ACACB: variants seen among roughly 807,000 people sequenced by gnomAD.
ACACB encodes the protein acetyl-CoA carboxylase 2.
In ACACB, 209 loss-of-function variants were observed where a neutral mutation model predicts 278.8. The observed-to-expected ratio is 0.75, with a 90% CI of 0.67 to 0.84. The LOEUF (loss-of-function observed/expected upper bound fraction) is 0.84. ACACB is among the 40% of genes least tolerant of loss of function. The pLI, the probability that ACACB is intolerant of heterozygous loss-of-function variation, is 0.00. For synonymous variants in ACACB, 1,174 were observed against 1,285.6 expected, an observed-to-expected ratio of 0.91 and a Z score of 1.86; for missense variants, 2,850 against 3,269.0, an observed-to-expected ratio of 0.87 and a Z score of 3.13.
Position 109,241,182 on chromosome 12 carries a change from C to T in ACACB, c.4923C>T (p.Thr1641=), listed in dbSNP as rs375839386. ...AGATCAACATCCGCCAGACCACCAC[C>T]GGCAGTGCCGTTCCCATCCGCCTGT... is the stretch of plus-strand genomic sequence containing the variant. The part of the protein sequence containing the change: ...EVKINIRQTT[T]GSAVPIRLFI... The change falls in exon 36 of 53, where the codon ACC becomes ACT. Residue 1641 remains threonine, a synonymous_variant. Transcript: ENST00000338432. The T allele has an allele frequency of 1.9e-5, 30 of 1,614,162 alleles. No homozygotes were observed. Among genetic ancestry groups the T allele is most frequent in the Middle Eastern group, 3.3e-4 (2 of 6,062 alleles).
intron 16 of ACACB, among the ~76,000 whole-genome samples, chr12:109,194,551 T>TA (rs1593522308): frequency 1.7e-5 from 1 of 58,384 alleles, no homozygotes; most frequent in East Asian, 3.2e-4. Flanking sequence ...TGTGTGTGTT[T>TA]ACATTGGCCT....
upstream of ACACB, among the ~76,000 whole-genome samples, chr12:109,111,889 C>T (rs952807387): frequency 2.0e-5 from 3 of 152,010 alleles, no homozygotes. Flanking sequence ...AAGGGTTTAT[C>T]ATTCTACATT....
chr12:109,187,715 C>T (rs1021524958), intron 12 of ACACB, among the ~76,000 whole-genome samples: 11 of 151,994 alleles, frequency 7.2e-5, no homozygotes, highest in Non-Finnish European at 1.5e-4. Flanking sequence ...CTACCTCTGC[C>T]TCCCAAAGTG....
At chr12:109,162,897 C>G (rs1486095892) in intron 2 of ACACB, among the ~76,000 whole-genome samples, 2 of 152,138 alleles carry the variant, frequency 1.3e-5, no homozygotes, top group Non-Finnish European at 2.9e-5. Flanking sequence ...GGAACCAAGG[C>G]TTCCCTGACA....
chr12:109,229,246 A>G (rs2046402430), intron 28 of ACACB, among the ~76,000 whole-genome samples: 1 of 151,748 alleles, frequency 6.6e-6, no homozygotes, highest in Non-Finnish European at 1.5e-5. Flanking sequence ...CCCAGCCCAC[A>G]CTCTTATTTT....
chr12:109,203,177 C>T (rs1206938116), intron 19 of ACACB, among the ~76,000 whole-genome samples: 1 of 152,186 alleles, frequency 6.6e-6, no homozygotes, highest in Non-Finnish European at 1.5e-5. Context: ...CATCTGATAG[C>T]ATGTGGCAGA....
chr12:109,188,138 G>A lies in ACACB; in HGVS notation c.2120G>A (p.Gly707Glu). Residue 707 changes from glycine (G) to glutamate (E), a missense_variant, in exon 13 of 53, where the codon GGA becomes GAA. Physicochemically the swap from Gly to Glu is moderately conservative, Grantham distance 98. Coordinates refer to ENST00000338432, the MANE Select transcript of ACACB (RefSeq NM_001093.4). The part of the protein sequence containing the change: ...DSQFGHCFSW[G>E]ENREEAISNM... Reference sequence around the variant, plus strand: ...CAATTTGGGCACTGCTTCTCCTGGGGAGAGAACCGGGAAGAGGCCATTTCG... The same window carrying A: ...CAATTTGGGCACTGCTTCTCCTGGGAAGAGAACCGGGAAGAGGCCATTTCG... The A allele has an allele frequency of 6.2e-7, 1 of 1,608,394 alleles. No individual in the cohort carries two copies. The highest frequency in any genetic ancestry group is 2.2e-5 in the East Asian group (1 of 44,642).
rs947760802 is a variant in ACACB, at chr12:109,162,870, C to G, written c.654-3991C>G. Among the ~76,000 whole-genome samples the G allele has an allele frequency of 1.3e-5, 2 of 152,194 alleles. 1 individual carries two copies. Among genetic ancestry groups the G allele is most frequent in the African/African-American group, 4.8e-5 (2 of 41,456 alleles). On this transcript the variant is annotated intron_variant, in intron 2 of 52. Transcript: ENST00000338432. Reference sequence around the variant, plus strand: ...CACAGTCTCAGAAATTCTGTTCTCACTCATAGTCACAAGGTTGGAACCAAG... The same window carrying G: ...CACAGTCTCAGAAATTCTGTTCTCAGTCATAGTCACAAGGTTGGAACCAAG...
chr12:109,187,379 C>G (rs1232763003), intron 12 of ACACB, among the ~76,000 whole-genome samples: 1 of 152,092 alleles, frequency 6.6e-6, no homozygotes, highest in Non-Finnish European at 1.5e-5. Flanking sequence ...CATCAATCAT[C>G]AATGTTCGCC....
chr12:109,216,745 G>C lies in ACACB; in HGVS notation c.3439+39G>C, dbSNP rs199716769. 2.5e-6 allele frequency: 4 copies of C among 1,613,992 alleles called. No individual in the cohort carries two copies. The African/African-American group carries it at 5.3e-5, about 22-fold the overall frequency. On this transcript the variant is annotated intron_variant, in intron 23 of 52. Transcript: ENST00000338432. ...ATGCCAACACCAGTGGGATGGTGGG[G>C]GGCGTGAGGAGCCTGAGCTTTACCT...
intron 18 of ACACB, 55 bp downstream of exon 18, chr12:109,199,607 G>A: frequency 7.4e-7 from 1 of 1,358,802 alleles, no homozygotes; most frequent in Admixed American, 2.9e-5. Flanking sequence ...CCACTCTTCT[G>A]GCTTTGTCCC....
rs184390255 is a variant in ACACB at position 109,252,593 on chromosome 12, T to C, written c.5902-422T>C. The C allele has an allele frequency of 1.8e-4, 31 of 171,700 alleles. No homozygotes were observed. In the East Asian group the frequency reaches 4.4e-3, roughly 25 times the overall value. The allele number at this position is 171,700 out of a possible 1,614,324, so 10.6% of individuals were successfully genotyped here. ...CTTGTTGAAAAGTCTCTATACTTAATGTCTGCTCAAATCTCAGCCAAAGTC... is the reference window on the plus strand; with the variant it reads ...CTTGTTGAAAAGTCTCTATACTTAACGTCTGCTCAAATCTCAGCCAAAGTC... On this transcript the variant is annotated intron_variant, in intron 42 of 52. Transcript: ENST00000338432.
At chr12:109,206,614 G>A (rs1162912934) in intron 19 of ACACB, 96 bp from the exon 20 acceptor site, 13 of 1,444,678 alleles carry the variant, frequency 9.0e-6, no homozygotes, top group East Asian at 4.6e-5. Flanking sequence ...ACTTGATTAC[G>A]GAAGCCGGCA....
chr12:109,214,882 GAGC>G (rs2045948259), intron 22 of ACACB, among the ~76,000 whole-genome samples: 1 of 152,178 alleles, frequency 6.6e-6, no homozygotes, highest in Non-Finnish European at 1.5e-5. Context: ...TGGATTGCTT[GAGC>G]TCAGAGGTTC....
chr12:109,262,346 T>A lies in ACACB; in HGVS notation c.6675-11T>A. The A allele has an allele frequency of 1.2e-6, 2 of 1,610,056 alleles. No homozygotes were observed. The highest frequency in any genetic ancestry group is 2.2e-5 in the South Asian group (2 of 90,846). ...CTCATATACCCCCATCCCTGCCTCT[T>A]CTCTTTTAAGGGGTGGTGTTCTGGA... On this transcript the variant is annotated splice_polypyrimidine_tract_variant and intron_variant, in intron 48 of 52. Transcript: ENST00000338432.
intron 35 of ACACB, among the ~76,000 whole-genome samples, chr12:109,240,862 C>T (rs550836406): frequency 2.0e-4 from 30 of 152,238 alleles, no homozygotes; most frequent in South Asian, 4.2e-4. Flanking sequence ...AAAAGCTCGC[C>T]TCTCTTGAGT....
intron 24 of ACACB, among the ~76,000 whole-genome samples, chr12:109,218,184 A>C (rs1245455542): frequency 2.0e-5 from 3 of 152,170 alleles, no homozygotes; most frequent in Non-Finnish European, 4.4e-5. Flanking sequence ...CCACTCGATG[A>C]TAGCAGTCTT....
chr12:109,162,115 T>C (rs1037646990), intron 2 of ACACB, among the ~76,000 whole-genome samples: 22 of 152,120 alleles, frequency 1.4e-4, no homozygotes, highest in African/African-American at 4.8e-4. Context: ...TAGCTGAGAC[T>C]ACAGGCGTGC....
At chr12:109,146,045 G>C (rs1158010895) in intron 2 of ACACB, among the ~76,000 whole-genome samples, 1 of 152,144 alleles carries the variant, frequency 6.6e-6, no homozygotes, top group African/African-American at 2.4e-5. Flanking sequence ...TTGATAAGTT[G>C]CTAAATAATC....
Sources: gnomAD v4.1 joint callset for allele counts (sites outside exome capture counted in the v4.1 genomes callset) on GRCh38, gnomAD v4.1.1 for gene constraint, MANE v1.5 for transcripts, NCBI Gene and HGNC (gene_info 2026-07-23, HGNC 2026-07-21) for gene names.